CSMD3: variants seen among roughly 807,000 people sequenced by gnomAD.
The protein encoded by CSMD3 is CUB and Sushi multiple domains 3.
Under a neutral mutation model 435.2 loss-of-function variants are expected in CSMD3, and 177 were observed. The ratio of observed to expected loss-of-function variants is 0.41; its 90% CI spans 0.36 to 0.46. CSMD3 has a LOEUF of 0.46. Ranked by LOEUF, CSMD3 falls within the 20% of genes least tolerant of loss-of-function variation. The pLI, the probability that CSMD3 is intolerant of heterozygous loss-of-function variation, is 0.34. For synonymous variants in CSMD3, 1,656 were observed against 1,520.5 expected (o/e 1.09, Z -2.07); for missense variants, 4,265 against 4,504.6 (o/e 0.95, Z 1.52).
intron 3 of CSMD3, among the ~76,000 whole-genome samples, chr8:113,270,559 A>T (rs2093514843): frequency 6.6e-6 from 1 of 152,196 alleles, no homozygotes; most frequent in Admixed American, 6.5e-5. Flanking sequence ...ACAATAGCAA[A>T]GACTTGGAAC....
chr8:112,297,253 A>T (rs975280140), intron 53 of CSMD3, among the ~76,000 whole-genome samples: 148 of 150,784 alleles, frequency 9.8e-4, no homozygotes, highest in African/African-American at 3.5e-3. Context: ...AAGCCTCAAA[A>T]AAAAAAAAAA....
At chr8:112,564,141 A>AT (rs60067756) in intron 24 of CSMD3, among the ~76,000 whole-genome samples, 2,762 of 142,100 alleles carry the variant, frequency 0.019, 82 homozygotes, top group African/African-American at 0.065. Context: ...GTTTTAGGTT[A>AT]TTTTTTTTTT....
At chr8:113,295,080 C>T (rs904518530) in intron 2 of CSMD3, among the ~76,000 whole-genome samples, 3 of 151,988 alleles carry the variant, frequency 2.0e-5, no homozygotes, top group African/African-American at 7.2e-5. Context: ...TTATGGGGTA[C>T]ATGATGTATT....
intron 9 of CSMD3, among the ~76,000 whole-genome samples, chr8:112,944,212 G>A (rs893509296): frequency 4.0e-5 from 6 of 151,460 alleles, no homozygotes; most frequent in Middle Eastern, 3.2e-3. Flanking sequence ...TAGATGCGGC[G>A]TTACTAACGT....
chr8:112,472,372 AT>A (rs1818606257), intron 32 of CSMD3, among the ~76,000 whole-genome samples: 1 of 152,162 alleles, frequency 6.6e-6, no homozygotes, highest in African/African-American at 2.4e-5. Flanking sequence ...TCCTGTTTTC[AT>A]TTTTGTATTG....
intron 36 of CSMD3, among the ~76,000 whole-genome samples, chr8:112,388,516 T>C (rs1005077052): frequency 1.3e-5 from 2 of 152,156 alleles, no homozygotes; most frequent in African/African-American, 4.8e-5. Flanking sequence ...AATTTCTGAC[T>C]TGTGTAACTT....
chr8:113,399,948 G>A (rs1231781202), intron 1 of CSMD3, among the ~76,000 whole-genome samples: 3 of 148,926 alleles, frequency 2.0e-5, no homozygotes, highest in African/African-American at 4.9e-5. Flanking sequence ...TCTATTCTGT[G>A]TATATATATA....
intron 32 of CSMD3, among the ~76,000 whole-genome samples, chr8:112,432,330 G>A (rs918556247): frequency 6.6e-6 from 1 of 151,908 alleles, no homozygotes; most frequent in African/African-American, 2.4e-5. Context: ...TTATTTTAGG[G>A]TCTTGCTTTG....
At chr8:112,266,780 T>C (rs1373699924) in intron 59 of CSMD3, among the ~76,000 whole-genome samples, 1 of 152,212 alleles carries the variant, frequency 6.6e-6, no homozygotes, top group African/African-American at 2.4e-5. Flanking sequence ...AAAGATTATA[T>C]ATGTCACACA....
At chr8:112,804,199 CTCAGG>C (rs756946643) in intron 12 of CSMD3, among the ~76,000 whole-genome samples, 1 of 152,008 alleles carries the variant, frequency 6.6e-6, no homozygotes, top group Non-Finnish European at 1.5e-5. Flanking sequence ...AAATTTTTGT[CTCAGG>C]TCCTTTGATG....
chr8:112,886,995 C>G (rs953015825), intron 10 of CSMD3, among the ~76,000 whole-genome samples: 1 of 151,210 alleles, frequency 6.6e-6, no homozygotes, highest in Admixed American at 6.6e-5. Context: ...TTAAGTGGAC[C>G]TTGAGTGCAT....
chr8:112,265,332 A>G lies in CSMD3; in HGVS notation c.9688+79T>C, dbSNP rs112329259. 5.0e-5 allele frequency: 51 copies of G among 1,023,644 alleles called. No homozygotes were observed. The African/African-American group carries it at 5.6e-4, about 11-fold the overall frequency. The allele number at this position is 1,023,644 out of a possible 1,614,324, so 63.4% of individuals were successfully genotyped here. ...TGGAACTAAAAAATTTTATTTAAGT[A>G]TACTTTAAATTTGTATATAAAAATA... On this transcript the variant is annotated intron_variant, in intron 60 of 70. Transcript: ENST00000297405.
intron 1 of CSMD3, among the ~76,000 whole-genome samples, chr8:113,423,758 T>A (rs2094620928): frequency 6.6e-6 from 1 of 151,824 alleles, no homozygotes; most frequent in Non-Finnish European, 1.5e-5. Flanking sequence ...TTGTTGAAAA[T>A]TCACCCTGAA....
intron 11 of CSMD3, among the ~76,000 whole-genome samples, chr8:112,840,422 G>C (rs1432440458): frequency 1.3e-5 from 2 of 151,798 alleles, no homozygotes; most frequent in Middle Eastern, 3.4e-3. Context: ...AAGCTGGAGA[G>C]AATAAGGAGG....
chr8:113,383,242 G>A (rs1378265689), intron 1 of CSMD3, among the ~76,000 whole-genome samples: 1 of 151,994 alleles, frequency 6.6e-6, no homozygotes, highest in African/African-American at 2.4e-5. Context: ...GTGGAGAGAT[G>A]GGCAGGGATG....
intron 10 of CSMD3, among the ~76,000 whole-genome samples, chr8:112,899,914 T>C (rs2082064014): frequency 6.6e-6 from 1 of 150,928 alleles, no homozygotes; most frequent in African/African-American, 2.4e-5. Flanking sequence ...GATTATTGTA[T>C]GACATTATTT....
At chr8:112,911,617 T>C (rs2082414204) in intron 10 of CSMD3, among the ~76,000 whole-genome samples, 1 of 122,892 alleles carries the variant, frequency 8.1e-6, no homozygotes, top group African/African-American at 3.2e-5. Flanking sequence ...TTGTATTCCA[T>C]TGTGTGTGTG....
At chr8:112,871,644 C>T (rs562991269) in intron 10 of CSMD3, among the ~76,000 whole-genome samples, 2 of 152,082 alleles carry the variant, frequency 1.3e-5, no homozygotes, top group East Asian at 1.9e-4. Context: ...ATTTCACACA[C>T]ACAGAAAAAA....
At chr8:113,320,815 C>T (rs2093944420) in intron 1 of CSMD3, among the ~76,000 whole-genome samples, 1 of 152,038 alleles carries the variant, frequency 6.6e-6, no homozygotes, top group African/African-American at 2.4e-5. Context: ...GGCTTCTTAG[C>T]AACCACAGAT....
Sources: allele counts gnomAD v4.1 joint callset (sites outside exome capture counted in the v4.1 genomes callset), GRCh38; gene constraint gnomAD v4.1.1; transcripts MANE v1.5; gene names NCBI Gene and HGNC (gene_info 2026-07-23, HGNC 2026-07-21).